CDH23: variants seen among roughly 807,000 people sequenced by gnomAD.
The protein encoded by CDH23 is cadherin-23.
A neutral mutation model predicts 317.1 loss-of-function variants in CDH23; 189 were observed. The observed-to-expected ratio is 0.60, with a 90% CI of 0.53 to 0.67. The LOEUF (loss-of-function observed/expected upper bound fraction) is 0.67. CDH23 is among the 30% of genes least tolerant of loss of function. The pLI is 0.00. For synonymous variants in CDH23, 1,839 were observed against 1,876.8 expected, an observed-to-expected ratio of 0.98 and a Z score of 0.52; for missense variants, 4,401 against 4,592.4, an observed-to-expected ratio of 0.96 and a Z score of 1.20.
At chr10:71,420,536 A>ATTG (rs1848754054) in intron 1 of CDH23, among the ~76,000 whole-genome samples, 2 of 35,636 alleles carry the variant, frequency 5.6e-5, no homozygotes, top group African/African-American at 1.6e-4. Flanking sequence ...GATGATGATG[A>ATTG]TGATGATGGT....
chr10:71,421,141 A>G (rs1848794917), intron 1 of CDH23, among the ~76,000 whole-genome samples: 2 of 152,200 alleles, frequency 1.3e-5, no homozygotes, highest in African/African-American at 4.8e-5. Flanking sequence ...TCCTCATAGG[A>G]AAGATGAAGC....
chr10:71,739,780 C>G lies in CDH23; in HGVS notation c.4488+8C>G, dbSNP rs1378526505. On this transcript the variant is annotated splice_region_variant and intron_variant, in intron 36 of 69. Transcript: ENST00000224721. ...GATCACTACATCCTCCAGGTGGGGCCTGGCCTCCCTTGGACTGAGAGACCA... is the reference window on the plus strand; with the variant it reads ...GATCACTACATCCTCCAGGTGGGGCGTGGCCTCCCTTGGACTGAGAGACCA... 9 of 1,606,132 alleles carry G rather than the reference C, an allele frequency of 5.6e-6. No individual in the cohort carries two copies. The highest frequency in any genetic ancestry group is 1.3e-5 in the African/African-American group (1 of 74,862).
intron 8 of CDH23, among the ~76,000 whole-genome samples, chr10:71,572,503 T>C (rs1051987422): frequency 3.9e-5 from 6 of 152,114 alleles, no homozygotes; most frequent in Non-Finnish European, 8.8e-5. Context: ...GGGCATAACA[T>C]ACAGTGTGTG....
intron 55 of CDH23, among the ~76,000 whole-genome samples, chr10:71,805,073 A>C (rs1002573827): frequency 1.3e-5 from 2 of 152,232 alleles, no homozygotes; most frequent in Non-Finnish European, 2.9e-5. Context: ...CCATGAGATA[A>C]ACAATGAAAC....
intron 3 of CDH23, among the ~76,000 whole-genome samples, chr10:71,489,016 ACT>A (rs1490895152): frequency 6.6e-6 from 1 of 151,650 alleles, no homozygotes; most frequent in Non-Finnish European, 1.5e-5. Flanking sequence ...CCTTTAAAAT[ACT>A]CTGTTTTTCT....
intron 47 of CDH23, among the ~76,000 whole-genome samples, chr10:71,791,867 C>T (rs541909119): frequency 5.3e-5 from 8 of 152,266 alleles, no homozygotes; most frequent in South Asian, 2.1e-4. Context: ...TGAGCCACCA[C>T]GCCTGGCCTA....
At chr10:71,766,811 T>A (rs2132901639) in intron 38 of CDH23, among the ~76,000 whole-genome samples, 1 of 152,248 alleles carries the variant, frequency 6.6e-6, no homozygotes, top group East Asian at 1.9e-4. Context: ...AGGCCAGCAC[T>A]GCAGACAGGA....
At chr10:71,685,447 A>T (rs1436416911) in intron 18 of CDH23, among the ~76,000 whole-genome samples, 1 of 152,082 alleles carries the variant, frequency 6.6e-6, no homozygotes, top group Non-Finnish European at 1.5e-5. Context: ...CAGAGAGATG[A>T]AGGTGAAGGG....
At chr10:71,545,954 C>T (rs192874427) in intron 6 of CDH23, among the ~76,000 whole-genome samples, 11 of 152,224 alleles carry the variant, frequency 7.2e-5, no homozygotes, top group African/African-American at 2.2e-4. Context: ...TATAGACACC[C>T]GAGGGAAGTA....
chr10:71,645,758 T>C, intron 12 of CDH23, 73 bp from the exon 13 acceptor site: 1 of 1,532,084 alleles, frequency 6.5e-7, no homozygotes. Flanking sequence ...CAGGAGCCTC[T>C]GCTCCTCCAT....
chr10:71,425,708 T>A (rs1849045532), intron 1 of CDH23, among the ~76,000 whole-genome samples: 1 of 152,240 alleles, frequency 6.6e-6, no homozygotes, highest in Admixed American at 6.5e-5. Context: ...AGGCCCAGAC[T>A]CTGTTGCTGA....
rs1862826666 is a variant in CDH23 at position 71,645,920 on chromosome 10, C to T, written c.1230C>T (p.Asp410=). ...CGACCTCCGTCCAGGGGAAGGCGGACATTCGTATTCGGGTGGCCATCCCAC... is the reference window on the plus strand; with the variant it reads ...CGACCTCCGTCCAGGGGAAGGCGGATATTCGTATTCGGGTGGCCATCCCAC... ...ISPTSVQGKA[D]IRIRVAIPLD... The change falls in exon 13 of 70, where the codon GAC becomes GAT. Residue 410 remains aspartate (D), a synonymous_variant. Coordinates refer to ENST00000224721, the MANE Select transcript of CDH23 (RefSeq NM_022124.6). The T allele has an allele frequency of 6.2e-7, 1 of 1,613,688 alleles. No individual in the cohort carries two copies. Among genetic ancestry groups the T allele is most frequent in the African/African-American group, 1.3e-5 (1 of 75,050 alleles).
At chr10:71,657,310 C>T (rs536312523) in intron 14 of CDH23, among the ~76,000 whole-genome samples, 18 of 152,346 alleles carry the variant, frequency 1.2e-4, no homozygotes, top group African/African-American at 4.3e-4. Flanking sequence ...TAATTCCTAT[C>T]TCAGCAATGC....
intron 9 of CDH23, among the ~76,000 whole-genome samples, chr10:71,585,156 C>T (rs950754841): frequency 1.2e-4 from 18 of 151,898 alleles, no homozygotes; most frequent in Non-Finnish European, 4.4e-5. Context: ...GTACAGGAAC[C>T]GAGTCAGCAG....
intron 38 of CDH23, among the ~76,000 whole-genome samples, chr10:71,772,048 A>C (rs929389596): frequency 6.6e-6 from 1 of 152,144 alleles, no homozygotes; most frequent in African/African-American, 2.4e-5. Context: ...ATGCCCTGCC[A>C]TGAGCCATGG....
Position 71,510,219 on chromosome 10 carries a change from A to G in CDH23, c.283A>G (p.Arg95Gly), listed in dbSNP as rs756800781. The G allele has an allele frequency of 6.2e-7, 1 of 1,613,592 alleles. No individual in the cohort carries two copies. The highest frequency in any genetic ancestry group is 8.5e-7 in the Non-Finnish European group (1 of 1,179,834). Reference sequence around the variant, plus strand: ...GGTGTGGCTCCGGCAGCCACTGGACAGAGAGGTATGACTTGCCCATACCCC... The same window carrying G: ...GGTGTGGCTCCGGCAGCCACTGGACGGAGAGGTATGACTTGCCCATACCCC... The part of the protein sequence containing the change: ...GVVWLRQPLD[R>G]ETKSEFTVEF... Residue 95 changes from arginine (R) to glycine (G), a missense_variant, in exon 4 of 70, where the codon AGA (arginine) becomes GGA (glycine). Physicochemically the swap from Arg to Gly is moderately radical, Grantham distance 125. Transcript: ENST00000224721.
At chr10:71,709,059 C>G in intron 26 of CDH23, 39 bp from the exon 27 acceptor site, 1 of 1,590,936 alleles carries the variant, frequency 6.3e-7, no homozygotes, top group Non-Finnish European at 8.6e-7. Flanking sequence ...GCCGGGAGCT[C>G]TGTTTCCCAG....
In CDH23 at chr10:71,679,459, T is replaced by A. The variant is rs1410808445; in HGVS notation, c.1825T>A (p.Tyr609Asn). ...TGTCAGTGCATCTGCCTTTGGCAGCTACTTCGACATCAGCCTGTACGAGGG... is the reference window on the plus strand; with the variant it reads ...TGTCAGTGCATCTGCCTTTGGCAGCAACTTCGACATCAGCCTGTACGAGGG... ...SIVSASAFGS[Y>N]FDISLYEGYG... The change falls in exon 17 of 70, where the codon TAC becomes AAC. Residue 609 changes from tyrosine (Y) to asparagine (N), a missense_variant. Tyr to Asn is a moderately radical substitution (Grantham distance 143). Coordinates refer to ENST00000224721, the MANE Select transcript of CDH23 (RefSeq NM_022124.6). 6.2e-7 allele frequency: 1 copy of A among 1,612,938 alleles called. No individual in the cohort carries two copies. Among genetic ancestry groups the A allele is most frequent in the African/African-American group, 1.3e-5 (1 of 75,058 alleles).
intron 35 of CDH23, among the ~76,000 whole-genome samples, 177 bp downstream of exon 35, chr10:71,738,824 A>T (rs1032057719): frequency 6.6e-6 from 1 of 152,254 alleles, no homozygotes; most frequent in Non-Finnish European, 1.5e-5. Context: ...CCTCAGAGCT[A>T]TGCAGGCCGG....
Sources: gnomAD v4.1 joint callset for allele counts (sites outside exome capture counted in the v4.1 genomes callset) on GRCh38, gnomAD v4.1.1 for gene constraint, MANE v1.5 for transcripts, NCBI Gene and HGNC (gene_info 2026-07-23, HGNC 2026-07-21) for gene names.